SSX1: variants seen among roughly 807,000 people sequenced by gnomAD.
The protein encoded by SSX1 is protein SSX1.
A neutral mutation model predicts 14.6 loss-of-function variants in SSX1; 58 were observed. The ratio of observed to expected loss-of-function variants is 3.96; its 90% CI spans 3.21 to 4.93. The LOEUF (loss-of-function observed/expected upper bound fraction) is 4.93, where lower values mean the gene tolerates loss of function less well. Ranked by LOEUF, SSX1 falls within the 30% of genes most tolerant of loss-of-function variation. The probability of loss-of-function intolerance (pLI) is 0.00; values close to 1 mark genes in which losing one functional copy is unlikely to be tolerated. For missense variants in SSX1, 272 were observed against 143.1 expected (o/e 1.90, Z -4.60); for synonymous variants, 46 against 52.1 (o/e 0.88, Z 0.50).
intron 4 of SSX1, 38 bp downstream of exon 4, chrX:48,258,669 G>A (rs1556934981): frequency 7.6e-6 from 8 of 1,049,551 alleles, no homozygotes; most frequent in Non-Finnish European, 9.3e-6. Flanking sequence ...GTCTCCTGAA[G>A]CCCAATTGCT....
At chrX:48,257,195 G>A (rs1556934493) in intron 1 of SSX1, 27 bp from the exon 2 acceptor site, 1 of 1,196,075 alleles carries the variant, frequency 8.4e-7, no homozygotes, top group Non-Finnish European at 1.1e-6. Context: ...CCTGTAGCTA[G>A]AAAGTCTCAG....
intron 1 of SSX1, among the ~76,000 whole-genome samples, chrX:48,255,924 A>G (rs1449084042): frequency 2.0e-4 from 15 of 76,207 alleles, no homozygotes; most frequent in Admixed American, 4.5e-4. Flanking sequence ...AGTAGAAACC[A>G]GGTTTCACTA....
rs782023583 is a variant in SSX1, at chrX:48,263,870, AC to A, written c.425del (p.Pro142GlnfsTer34). ...CCACAAAACGATGGGAAACAACTGC[AC>A]CCCCCAGGAAAAGCAAATATTTCTG... ...SGPQNDGKQL[H>X]PPGKANISEK... On this transcript the variant is annotated frameshift_variant, in exon 6 of 8. Transcript: ENST00000376919. LOFTEE classifies it high-confidence loss of function. 26 of 1,209,544 alleles carry A rather than the reference AC, an allele frequency of 2.1e-5. No homozygotes were observed. Among genetic ancestry groups the A allele is most frequent in the African/African-American group, 7.0e-5 (4 of 57,137 alleles).
intron 5 of SSX1, among the ~76,000 whole-genome samples, chrX:48,262,435 A>G (rs1335450657): frequency 8.9e-6 from 1 of 111,973 alleles, no homozygotes; most frequent in East Asian, 2.8e-4. Context: ...TGGTGCTTCC[A>G]TTGAGACACC....
intron 4 of SSX1, among the ~76,000 whole-genome samples, chrX:48,259,428 A>T (rs2059596008): frequency 9.4e-6 from 1 of 106,657 alleles, no homozygotes; most frequent in Non-Finnish European, 1.9e-5. Flanking sequence ...TCTTTTTTAA[A>T]AGACATGTTG....
At position 48,258,517 on chromosome X, in the gene SSX1, A is replaced by G. The variant is rs1556934905; in HGVS notation, c.185-19A>G. On this transcript the variant is annotated intron_variant, in intron 3 of 7. Coordinates refer to ENST00000376919, the MANE Select transcript of SSX1 (RefSeq NM_005635.4). ...CCTAAGTTTGTCCCTTAAGGAATAA[A>G]CATTTTGCTTCTTTCTAGGTTTCAA... 2 of 1,167,617 alleles carry G rather than the reference A, an allele frequency of 1.7e-6. No individual in the cohort carries two copies. Among genetic ancestry groups the G allele is most frequent in the South Asian group, 1.8e-5 (1 of 55,933 alleles).
At position 48,266,356 on chromosome X, in the gene SSX1, A is replaced by C. The variant is rs782363885; in HGVS notation, c.536A>C (p.Glu179Ala). The C allele has an allele frequency of 1.7e-6, 2 of 1,208,261 alleles. No individual in the cohort carries two copies. The highest frequency in any genetic ancestry group is 2.2e-6 in the Non-Finnish European group (2 of 895,064). ...RERKQLVIYEEISDPEEDDE is the reference protein window; with the variant it reads ...RERKQLVIYEAISDPEEDDE ...AGAAAGCAGCTGGTGATTTATGAAG[A>C]GATCAGTGACCCTGAGGAAGATGAC... Residue 179 changes from glutamate to alanine, a missense_variant, in exon 7 of 8, where the codon GAG becomes GCG. Physicochemically the swap from Glu to Ala is moderately radical, Grantham distance 107. Coordinates refer to ENST00000376919, the MANE Select transcript of SSX1 (RefSeq NM_005635.4).
chrX:48,257,340 G>T (rs782792517), intron 2 of SSX1, 30 bp downstream of exon 2: 9 of 1,202,189 alleles, frequency 7.5e-6, no homozygotes, highest in African/African-American at 3.5e-5. Flanking sequence ...GCAGAGCAGT[G>T]GTCCAGGGGA....
chrX:48,265,651 T>C (rs1403317502), intron 6 of SSX1, among the ~76,000 whole-genome samples: 16 of 111,573 alleles, frequency 1.4e-4, no homozygotes, highest in African/African-American at 5.2e-4. Flanking sequence ...AAGAGTGTAA[T>C]TGGATTGTTT....
intron 4 of SSX1, among the ~76,000 whole-genome samples, chrX:48,259,601 C>T (rs2059596833): frequency 9.0e-6 from 1 of 111,052 alleles, no homozygotes; most frequent in South Asian, 3.9e-4. Flanking sequence ...TCCCTTCCCC[C>T]TCTCCCCACC....
intron 4 of SSX1, 34 bp from the exon 5 acceptor site, chrX:48,261,732 C>T: frequency 8.3e-7 from 1 of 1,207,104 alleles, no homozygotes. Flanking sequence ...AAATCTTTAC[C>T]AACAAAGAAA....
chrX:48,257,140 G>C (rs2059584765), intron 1 of SSX1, 82 bp from the exon 2 acceptor site: 4 of 896,488 alleles, frequency 4.5e-6, no homozygotes, highest in African/African-American at 1.9e-5. Flanking sequence ...AGGTGACTGA[G>C]TGTGGCCGGG....
chrX:48,258,689 A>C, intron 4 of SSX1, 58 bp downstream of exon 4: 14 of 944,190 alleles, frequency 1.5e-5, no homozygotes, highest in Non-Finnish European at 2.0e-5. Context: ...TTTTCAGCTC[A>C]GCTACCTGGG....
rs1183825910 is a variant in SSX1 at position 48,258,638 on chromosome X, A to G, written c.280+7A>G. The stretch of plus-strand genomic sequence containing the variant: ...CATAACCGCAGGATTCAGGGTGAGT[A>G]GATGGGAAGTGGCTGGAAAGGTCTC... On this transcript the variant is annotated splice_region_variant and intron_variant, in intron 4 of 7. Coordinates refer to ENST00000376919, the MANE Select transcript of SSX1 (RefSeq NM_005635.4). 5.9e-6 allele frequency: 7 copies of G among 1,180,501 alleles called. No individual in the cohort carries two copies. The highest frequency in any genetic ancestry group is 2.2e-5 in the Admixed American group (1 of 45,427).
intron 1 of SSX1, among the ~76,000 whole-genome samples, chrX:48,256,020 C>T (rs1270419605): frequency 1.3e-4 from 14 of 106,691 alleles, no homozygotes; most frequent in African/African-American, 4.8e-4. Flanking sequence ...CATTCCGCCC[C>T]TGCTAGTTTT....
Position 48,257,832 on chromosome X carries a change from G to A in SSX1, c.156G>A (p.Lys52=). ...AGAAAATCAGCTATGTGTATATGAAGAGAAACTATAAGGCCATGACTAAAC... is the reference window on the plus strand; with the variant it reads ...AGAAAATCAGCTATGTGTATATGAAAAGAAACTATAAGGCCATGACTAAAC... ...YSEKISYVYM[K]RNYKAMTKLG... is the part of the protein sequence containing the mutation. Residue 52 remains lysine (K), a synonymous_variant, in exon 3 of 8, where the codon AAG becomes AAA. Coordinates refer to ENST00000376919, the MANE Select transcript of SSX1 (RefSeq NM_005635.4). The A allele has an allele frequency of 1.7e-6, 2 of 1,200,440 alleles. No individual in the cohort carries two copies. The highest frequency in any genetic ancestry group is 2.3e-6 in the Non-Finnish European group (2 of 887,290).
intron 6 of SSX1, among the ~76,000 whole-genome samples, chrX:48,265,722 C>T (rs1556936279): frequency 9.0e-6 from 1 of 111,657 alleles, no homozygotes; most frequent in East Asian, 2.8e-4. Flanking sequence ...GTGATTATTA[C>T]GCATTGCATA....
chrX:48,257,762 C>G lies in SSX1; in HGVS notation c.86C>G (p.Ala29Gly). Residue 29 changes from alanine to glycine, a missense_variant, in exon 3 of 8, where the codon GCC (alanine) becomes GGC (glycine). Ala to Gly is a moderately conservative substitution (Grantham distance 60). Coordinates refer to ENST00000376919, the MANE Select transcript of SSX1 (RefSeq NM_005635.4). Reference protein sequence around the residue: ...EKRSKAFDDIATYFSKKEWKK... With the variant: ...EKRSKAFDDIGTYFSKKEWKK... ...TTTTTTTAGGCCTTTGATGATATTG[C>G]CACATACTTCTCTAAGAAAGAGTGG... 1 of 1,203,714 alleles carries G rather than the reference C, an allele frequency of 8.3e-7. No homozygotes were observed. The highest frequency in any genetic ancestry group is 1.1e-6 in the Non-Finnish European group (1 of 890,327).
rs782073930 is a variant in SSX1, at chrX:48,258,620, G to T, written c.269G>T (p.Arg90Leu). The T allele has an allele frequency of 5.8e-6, 7 of 1,202,004 alleles. No individual in the cohort carries two copies. The highest frequency in any genetic ancestry group is 2.3e-4 in the Middle Eastern group (1 of 4,321). The stretch of plus-strand genomic sequence containing the variant: ...AATGATTTTGATAATGACCATAACC[G>T]CAGGATTCAGGGTGAGTAGATGGGA... Reference protein sequence around the residue: ...QGNDFDNDHNRRIQVEHPQMT... With the variant: ...QGNDFDNDHNLRIQVEHPQMT... Residue 90 changes from arginine to leucine, a missense_variant, in exon 4 of 8, where the codon CGC becomes CTC. Physicochemically the swap from Arg to Leu is moderately radical, Grantham distance 102. Transcript: ENST00000376919.
Sources: gnomAD v4.1 joint callset for allele counts (sites outside exome capture counted in the v4.1 genomes callset) on GRCh38, gnomAD v4.1.1 for gene constraint, MANE v1.5 for transcripts, NCBI Gene and HGNC (gene_info 2026-07-23, HGNC 2026-07-21) for gene names.